The following NDFIP1 variants were observed in gnomAD, a reference collection of about 807,000 sequenced individuals.
The protein encoded by NDFIP1 is Nedd4 family interacting protein 1.
Under a neutral mutation model 28.8 loss-of-function variants are expected in NDFIP1, and 7 were observed. The ratio of observed to expected loss-of-function variants is 0.24; its 90% CI spans 0.14 to 0.46. The LOEUF (loss-of-function observed/expected upper bound fraction) is 0.46. NDFIP1 is among the 20% of genes least tolerant of loss of function. The pLI, the probability that NDFIP1 is intolerant of heterozygous loss-of-function variation, is 0.99. For missense variants in NDFIP1, 194 were observed against 269.1 expected, an observed-to-expected ratio of 0.72 and a Z score of 1.95; for synonymous variants, 92 against 101.0, an observed-to-expected ratio of 0.91 and a Z score of 0.53.
At chr5:142,136,411 A>G (rs1757275203) in intron 4 of NDFIP1, among the ~76,000 whole-genome samples, 3 of 152,188 alleles carry the variant, frequency 2.0e-5, no homozygotes, top group African/African-American at 7.2e-5. Context: ...TTAATGTTGA[A>G]GGCATTTATT....
intron 7 of NDFIP1, among the ~76,000 whole-genome samples, chr5:142,146,458 A>G (rs1230827476): frequency 6.6e-6 from 1 of 152,242 alleles, no homozygotes; most frequent in Non-Finnish European, 1.5e-5. Context: ...ATTTATAGTT[A>G]GCCTTAGGTT....
intron 7 of NDFIP1, among the ~76,000 whole-genome samples, chr5:142,147,441 A>G (rs1206178317): frequency 1.3e-5 from 2 of 152,150 alleles, no homozygotes; most frequent in Non-Finnish European, 2.9e-5. Flanking sequence ...CTCCCTATCG[A>G]TTCTTTATTA....
rs111629837 is a variant in NDFIP1 at position 142,115,290 on chromosome 5, T to C, written c.63+6253T>C. On this transcript the variant is annotated intron_variant, in intron 1 of 7. Coordinates refer to ENST00000253814, the MANE Select transcript of NDFIP1 (RefSeq NM_030571.4). ...TTAGAAGAATTATATTCTTTTTTGTTTGTTTGTTTTGAGATGGAGTGTCTT... is the reference window on the plus strand; with the variant it reads ...TTAGAAGAATTATATTCTTTTTTGTCTGTTTGTTTTGAGATGGAGTGTCTT... Among the ~76,000 whole-genome samples, 317 of 152,290 alleles carry C rather than the reference T, an allele frequency of 2.1e-3. 2 individuals are homozygous for C. The highest frequency in any genetic ancestry group is 7.4e-3 in the African/African-American group (307 of 41,562).
chr5:142,151,345 G>C (rs934487099), intron 7 of NDFIP1, among the ~76,000 whole-genome samples: 16 of 152,162 alleles, frequency 1.1e-4, no homozygotes, highest in Non-Finnish European at 2.2e-4. Flanking sequence ...GTATCTTCAG[G>C]TATATTAGGA....
intron 1 of NDFIP1, among the ~76,000 whole-genome samples, chr5:142,123,186 C>T (rs1325606178): frequency 1.3e-5 from 2 of 152,196 alleles, no homozygotes; most frequent in African/African-American, 4.8e-5. Flanking sequence ...TGGTCTCAAA[C>T]TCCTGATCTC....
At chr5:142,142,917 C>CAAAAAAAA (rs1171333662) in intron 6 of NDFIP1, 18 of 43,202 alleles carry the variant, frequency 4.2e-4, no homozygotes, top group African/African-American at 4.8e-4. Flanking sequence ...GATTCCATCT[C>CAAAAAAAA]AAAAAAAAAA....
At chr5:142,120,009 G>GCA (rs1757106555) in intron 1 of NDFIP1, among the ~76,000 whole-genome samples, 1 of 152,200 alleles carries the variant, frequency 6.6e-6, no homozygotes, top group South Asian at 2.1e-4. Context: ...AGGCTGGAGT[G>GCA]CAGTGGTGCC....
intron 6 of NDFIP1, chr5:142,142,955 A>G (rs1757352111): frequency 1.5e-5 from 2 of 137,706 alleles, no homozygotes; most frequent in Admixed American, 7.5e-5. Flanking sequence ...ATATATATAT[A>G]TATATATATA....
intron 1 of NDFIP1, among the ~76,000 whole-genome samples, chr5:142,115,352 C>T (rs1030724318): frequency 2.0e-5 from 3 of 152,230 alleles, no homozygotes; most frequent in East Asian, 3.9e-4. Flanking sequence ...GGCGCGATCT[C>T]GGCTCACTGC....
intron 7 of NDFIP1, among the ~76,000 whole-genome samples, chr5:142,145,274 G>C (rs1416272224): frequency 6.6e-6 from 1 of 152,328 alleles, no homozygotes; most frequent in East Asian, 1.9e-4. Flanking sequence ...CCCTTGCCTA[G>C]AACAGGAGGA....
chr5:142,142,061 C>T (rs1254422728), intron 6 of NDFIP1, among the ~76,000 whole-genome samples: 2 of 152,090 alleles, frequency 1.3e-5, no homozygotes, highest in Non-Finnish European at 2.9e-5. Context: ...CCCTTGAGCC[C>T]AGGAGTTGGA....
intron 4 of NDFIP1, among the ~76,000 whole-genome samples, chr5:142,136,437 TA>T: frequency 6.6e-6 from 1 of 152,090 alleles, no homozygotes; most frequent in Non-Finnish European, 1.5e-5. Flanking sequence ...TACTGGACTA[TA>T]TATATATAAC....
chr5:142,142,940 A>AAAAAATATAT (rs60076432), intron 6 of NDFIP1: 7 of 38,144 alleles, frequency 1.8e-4, no homozygotes, highest in African/African-American at 6.3e-4. Context: ...AAAAAAAAAA[A>AAAAAATATAT]ATATATATAT....
intron 1 of NDFIP1, among the ~76,000 whole-genome samples, chr5:142,127,060 G>C (rs1226316856): frequency 6.6e-6 from 1 of 152,050 alleles, no homozygotes; most frequent in Non-Finnish European, 1.5e-5. Flanking sequence ...TTGTCGCCCA[G>C]GCTGAAGTGC....
intron 1 of NDFIP1, among the ~76,000 whole-genome samples, chr5:142,115,963 A>G (rs1757063172): frequency 6.6e-6 from 1 of 152,218 alleles, no homozygotes; most frequent in African/African-American, 2.4e-5. Flanking sequence ...GTTATAAGTA[A>G]AGATGATTTA....
At chr5:142,142,145 A>G (rs1203058213) in intron 6 of NDFIP1, among the ~76,000 whole-genome samples, 1 of 151,886 alleles carries the variant, frequency 6.6e-6, no homozygotes, top group African/African-American at 2.4e-5. Context: ...TAAAAACAAA[A>G]CAAAACAGTT....
At chr5:142,151,547 A>G (rs1757447199) in intron 7 of NDFIP1, among the ~76,000 whole-genome samples, 184 bp from the exon 8 acceptor site, 1 of 152,212 alleles carries the variant, frequency 6.6e-6, no homozygotes, top group African/African-American at 2.4e-5. Flanking sequence ...AGGCCTTGAT[A>G]ACTTTAAGAA....
At chr5:142,139,219 C>CAA (rs11384111) in intron 5 of NDFIP1, among the ~76,000 whole-genome samples, 35 of 109,328 alleles carry the variant, frequency 3.2e-4, no homozygotes, top group African/African-American at 4.9e-4. Flanking sequence ...GACTCCTTCT[C>CAA]AAAAAAAAAA....
intron 1 of NDFIP1, among the ~76,000 whole-genome samples, chr5:142,123,545 A>G (rs1353888112): frequency 6.6e-6 from 1 of 152,016 alleles, no homozygotes; most frequent in Non-Finnish European, 1.5e-5. Context: ...AATAATTAGG[A>G]GCTTGTTTGT....
Sources: gnomAD v4.1 joint callset for allele counts (sites outside exome capture counted in the v4.1 genomes callset) on GRCh38, gnomAD v4.1.1 for gene constraint, MANE v1.5 for transcripts, NCBI Gene and HGNC (gene_info 2026-07-23, HGNC 2026-07-21) for gene names.